LAMA2: variants seen among roughly 807,000 people sequenced by gnomAD.
The protein encoded by LAMA2 is laminin subunit alpha 2.
A neutral mutation model predicts 364.8 loss-of-function variants in LAMA2; 269 were observed. The observed-to-expected ratio is 0.74, with a 90% CI of 0.67 to 0.82. The LOEUF is 0.82. Among genes scored for constraint, LAMA2 ranks in the 40% least tolerant of loss-of-function variants. The probability of loss-of-function intolerance (pLI) is 0.00; values close to 1 mark genes in which losing one functional copy is unlikely to be tolerated. For synonymous variants in LAMA2, 1,379 were observed against 1,370.6 expected, an observed-to-expected ratio of 1.01 and a Z score of -0.14; for missense variants, 3,807 against 3,873.2, an observed-to-expected ratio of 0.98 and a Z score of 0.45.
At chr6:129,077,229 T>C (rs1476522859) in intron 3 of LAMA2, among the ~76,000 whole-genome samples, 1 of 152,162 alleles carries the variant, frequency 6.6e-6, no homozygotes, top group Non-Finnish European at 1.5e-5. Flanking sequence ...GATAAGATTT[T>C]CCATCCATCA....
chr6:129,430,067 A>G (rs1310101563), intron 41 of LAMA2, among the ~76,000 whole-genome samples: 2 of 152,230 alleles, frequency 1.3e-5, no homozygotes, highest in African/African-American at 4.8e-5. Flanking sequence ...AGCCAAGGCT[A>G]TGACGGAGAT....
chr6:128,950,419 T>A (rs1210089879), intron 1 of LAMA2, among the ~76,000 whole-genome samples: 2 of 152,254 alleles, frequency 1.3e-5, no homozygotes, highest in African/African-American at 4.8e-5. Context: ...AACAGCAGCA[T>A]GGAAGATGGG....
chr6:129,040,909 C>T (rs1787043684), intron 1 of LAMA2, among the ~76,000 whole-genome samples: 1 of 152,078 alleles, frequency 6.6e-6, no homozygotes, highest in African/African-American at 2.4e-5. Context: ...TTACAGAAGG[C>T]AGAGCTAGAT....
intron 12 of LAMA2, among the ~76,000 whole-genome samples, chr6:129,195,079 C>T (rs942402946): frequency 6.6e-6 from 1 of 152,166 alleles, no homozygotes; most frequent in African/African-American, 2.4e-5. Context: ...GTCTATGGTA[C>T]ATAATCCTTC....
intron 12 of LAMA2, among the ~76,000 whole-genome samples, chr6:129,230,564 G>A (rs1007138793): frequency 6.6e-6 from 1 of 151,966 alleles, no homozygotes; most frequent in African/African-American, 2.4e-5. Flanking sequence ...TGAGAACATG[G>A]GAGGAAAATG....
chr6:129,465,003 ATT>A, intron 50 of LAMA2, 140 bp from the exon 51 acceptor site: 1 of 729,988 alleles, frequency 1.4e-6, no homozygotes, highest in Non-Finnish European at 2.4e-6. Flanking sequence ...CACCAATTCT[ATT>A]TTCAAAATGG....
chr6:129,057,052 A>C (rs1028066032), intron 2 of LAMA2, among the ~76,000 whole-genome samples: 2 of 151,950 alleles, frequency 1.3e-5, no homozygotes, highest in African/African-American at 4.8e-5. Context: ...CTTTTAATAA[A>C]ATTTTTCTTT....
rs145901020 is a variant in LAMA2, at chr6:129,497,018, T to C, written c.8244+4535T>C. ...TTTGTTAGTTTAACTTTAACTTCTG[T>C]GTTTCTTTAACTTAATTATTCTAGT... On this transcript the variant is annotated intron_variant, in intron 58 of 64. Transcript: ENST00000421865. Among the ~76,000 whole-genome samples, 83 of 152,356 alleles carry C rather than the reference T, an allele frequency of 5.4e-4. 1 individual carries two copies. Among genetic ancestry groups the C allele is most frequent in the African/African-American group, 1.9e-3 (80 of 41,584 alleles).
At chr6:128,890,456 T>C (rs1301607869) in intron 1 of LAMA2, among the ~76,000 whole-genome samples, 2 of 152,040 alleles carry the variant, frequency 1.3e-5, no homozygotes, top group Non-Finnish European at 1.5e-5. Context: ...TAAGTTATGT[T>C]AGTCTATCAT....
intron 12 of LAMA2, among the ~76,000 whole-genome samples, chr6:129,196,157 A>C (rs1479659594): frequency 6.6e-6 from 1 of 152,182 alleles, no homozygotes; most frequent in African/African-American, 2.4e-5. Flanking sequence ...AAATTTGTTC[A>C]TATAGTTGCC....
chr6:129,500,772 A>G (rs1323931495), intron 58 of LAMA2, among the ~76,000 whole-genome samples: 1 of 152,226 alleles, frequency 6.6e-6, no homozygotes. Context: ...TCTACCAGCA[A>G]TCCAAAAGTT....
intron 3 of LAMA2, among the ~76,000 whole-genome samples, chr6:129,062,675 G>T (rs962537444): frequency 6.6e-6 from 1 of 152,090 alleles, no homozygotes; most frequent in African/African-American, 2.4e-5. Flanking sequence ...ATCCAACTGG[G>T]ATTAAAAGGC....
In LAMA2 at chr6:129,190,204, G is replaced by A; in HGVS notation, c.1468-1G>A. ...TTGCTGATACATCTCTTTATTTGCA[G>A]GAAAATGTTGAAGGAGGAGACTGTA... On this transcript the variant is annotated splice_acceptor_variant, in intron 10 of 64. Transcript: ENST00000421865. LOFTEE classifies it high-confidence loss of function. 1 of 1,613,304 alleles carries A rather than the reference G, an allele frequency of 6.2e-7. No individual in the cohort carries two copies. Among genetic ancestry groups the A allele is most frequent in the East Asian group, 2.2e-5 (1 of 44,844 alleles).
At chr6:129,412,556 CA>C (rs929927785) in intron 40 of LAMA2, among the ~76,000 whole-genome samples, 4 of 150,726 alleles carry the variant, frequency 2.7e-5, no homozygotes, top group Admixed American at 2.0e-4. Context: ...CTGGAAAAGA[CA>C]AAAAAAGAGA....
intron 34 of LAMA2, among the ~76,000 whole-genome samples, chr6:129,380,693 G>C (rs1378995767): frequency 3.9e-5 from 6 of 152,144 alleles, no homozygotes. Flanking sequence ...GATACAAGAA[G>C]GTGCTAAGAA....
At chr6:129,304,798 G>A (rs781493060) in intron 22 of LAMA2, among the ~76,000 whole-genome samples, 2 of 152,072 alleles carry the variant, frequency 1.3e-5, no homozygotes, top group Non-Finnish European at 2.9e-5. Flanking sequence ...ACTGTTACTA[G>A]TATCTAGTTT....
chr6:129,124,594 C>T (rs1394211168), intron 4 of LAMA2, among the ~76,000 whole-genome samples: 1 of 152,148 alleles, frequency 6.6e-6, no homozygotes, highest in Non-Finnish European at 1.5e-5. Flanking sequence ...AGTCCCTTTT[C>T]CCTCTTTTAG....
At chr6:129,208,124 G>T (rs899724108) in intron 12 of LAMA2, among the ~76,000 whole-genome samples, 1 of 152,144 alleles carries the variant, frequency 6.6e-6, no homozygotes, top group African/African-American at 2.4e-5. Context: ...AAAATAGGGG[G>T]TGGACATTTT....
At chr6:129,432,358 T>C (rs1319875941) in intron 41 of LAMA2, among the ~76,000 whole-genome samples, 2 of 152,160 alleles carry the variant, frequency 1.3e-5, no homozygotes, top group Non-Finnish European at 2.9e-5. Context: ...ATTGGAAAGA[T>C]TATCCCTAAG....
Sources: gnomAD v4.1 joint callset for allele counts (sites outside exome capture counted in the v4.1 genomes callset) on GRCh38, gnomAD v4.1.1 for gene constraint, MANE v1.5 for transcripts, NCBI Gene and HGNC (gene_info 2026-07-23, HGNC 2026-07-21) for gene names.